Variants in FAF1 observed in about 807,000 individuals in gnomAD.
FAF1 encodes Fas associated factor 1, also known as FAS-associated factor 1.
FAF1 carries 25 observed loss-of-function variants against 92.5 expected under a neutral mutation model. The ratio of observed to expected loss-of-function variants is 0.27; its 90% CI spans 0.20 to 0.38. FAF1 has a LOEUF of 0.38. Ranked by LOEUF, FAF1 falls within the 10% of genes least tolerant of loss-of-function variation. The probability of loss-of-function intolerance (pLI) is 1.00; values close to 1 mark genes in which losing one functional copy is unlikely to be tolerated. For missense variants in FAF1, 636 were observed against 793.3 expected, an observed-to-expected ratio of 0.80 and a Z score of 2.38; for synonymous variants, 234 against 273.2, an observed-to-expected ratio of 0.86 and a Z score of 1.42.
chr1:50,474,537 CAG>C (rs1646615275), intron 18 of FAF1, among the ~76,000 whole-genome samples: 1 of 152,010 alleles, frequency 6.6e-6, no homozygotes, highest in Admixed American at 6.6e-5. Flanking sequence ...TATCTTAGTG[CAG>C]AGTTAAACAG....
chr1:50,825,548 AT>A (rs562479414), intron 2 of FAF1, among the ~76,000 whole-genome samples: 6 of 152,222 alleles, frequency 3.9e-5, no homozygotes, highest in African/African-American at 1.4e-4. Context: ...AATTAAAAAA[AT>A]AAATAGAAAA....
chr1:50,670,647 G>A lies in FAF1; in HGVS notation c.658-15119C>T, dbSNP rs1431787030. On this transcript the variant is annotated intron_variant, in intron 7 of 18. Coordinates refer to ENST00000396153, the MANE Select transcript of FAF1 (RefSeq NM_007051.3). ...TGTTATTTTAAAGTAGTCTGAGGCA[G>A]GGTGCCTGGATTCTCAGGTTCATGC... Among the ~76,000 whole-genome samples, 3 of 152,108 alleles carry A rather than the reference G, an allele frequency of 2.0e-5. No homozygotes were observed. The South Asian group carries it at 6.3e-4, about 32-fold the overall frequency.
At chr1:50,880,478 C>T (rs954908127) in intron 1 of FAF1, among the ~76,000 whole-genome samples, 5 of 152,138 alleles carry the variant, frequency 3.3e-5, no homozygotes, top group East Asian at 1.9e-4. Context: ...GTCACAAGGA[C>T]GGGGCACTGA....
At chr1:50,645,445 T>A (rs1654535569) in intron 8 of FAF1, among the ~76,000 whole-genome samples, 1 of 152,252 alleles carries the variant, frequency 6.6e-6, no homozygotes, top group Non-Finnish European at 1.5e-5. Context: ...CAGTAGATAT[T>A]TCAGGTTTTG....
chr1:50,850,937 C>G (rs954422475), intron 2 of FAF1, among the ~76,000 whole-genome samples: 1 of 152,144 alleles, frequency 6.6e-6, no homozygotes, highest in African/African-American at 2.4e-5. Context: ...TGCTAAACCA[C>G]TGACTTTGCT....
At chr1:50,678,174 C>T (rs1656223345) in intron 7 of FAF1, among the ~76,000 whole-genome samples, 1 of 152,132 alleles carries the variant, frequency 6.6e-6, no homozygotes, top group Non-Finnish European at 1.5e-5. Flanking sequence ...AGTACAGTTG[C>T]CTGGTTACCC....
At chr1:50,592,401 T>A (rs1177761751) in intron 9 of FAF1, among the ~76,000 whole-genome samples, 1 of 152,038 alleles carries the variant, frequency 6.6e-6, no homozygotes, top group Non-Finnish European at 1.5e-5. Context: ...GGATAAATTG[T>A]TACCTAGCTA....
rs534018315 is a variant in FAF1, at chr1:50,690,234, C to T, written c.657+15552G>A. 2.6e-5 allele frequency among the ~76,000 whole-genome samples: 4 copies of T among 152,154 alleles called. No homozygotes were observed. In the South Asian group the frequency reaches 8.3e-4, roughly 32 times the overall value. On this transcript the variant is annotated intron_variant, in intron 7 of 18. Coordinates refer to ENST00000396153, the MANE Select transcript of FAF1 (RefSeq NM_007051.3). ...CTCCTGACCTCAGGTGATCCACCCA[C>T]CTCAGCCTCCCAAAGTGCTGGGATT...
intron 13 of FAF1, among the ~76,000 whole-genome samples, chr1:50,555,757 A>G (rs61781018): frequency 0.043 from 6,507 of 152,190 alleles, 210 homozygotes; most frequent in Non-Finnish European, 0.061. Context: ...CAATCCCACT[A>G]CTGAGTACCC....
chr1:50,615,152 C>T (rs778600570), intron 8 of FAF1, among the ~76,000 whole-genome samples: 14 of 152,290 alleles, frequency 9.2e-5, no homozygotes, highest in Non-Finnish European at 7.4e-5. Flanking sequence ...GTTGTCTGTT[C>T]GTGCATTACT....
chr1:50,788,245 A>G, intron 3 of FAF1, 40 bp from the exon 4 acceptor site: 2 of 1,535,936 alleles, frequency 1.3e-6, no homozygotes, highest in Non-Finnish European at 1.8e-6. Context: ...TGTCAACTAA[A>G]TCATTACAGA....
Position 50,510,098 on chromosome 1 carries a change from G to A in FAF1, c.1495-18297C>T, listed in dbSNP as rs374852258. On this transcript the variant is annotated intron_variant, in intron 15 of 18. Coordinates refer to ENST00000396153, the MANE Select transcript of FAF1 (RefSeq NM_007051.3). ...GCAGAATTGCTTGAACCTGGGAGGC[G>A]GGGGTTGCAGTGAGCCGAGATGGCA... 2.2e-4 allele frequency among the ~76,000 whole-genome samples: 33 copies of A among 151,414 alleles called. No individual in the cohort carries two copies. In the South Asian group the frequency reaches 4.6e-3, roughly 21 times the overall value.
chr1:50,529,812 T>C (rs1388982277), intron 15 of FAF1, among the ~76,000 whole-genome samples: 1 of 152,290 alleles, frequency 6.6e-6, no homozygotes, highest in African/African-American at 2.4e-5. Flanking sequence ...CACAGCTGTG[T>C]TCTTAGGCCC....
intron 6 of FAF1, among the ~76,000 whole-genome samples, chr1:50,715,949 A>G (rs1242780943): frequency 2.6e-5 from 4 of 152,220 alleles, no homozygotes; most frequent in Non-Finnish European, 4.4e-5. Flanking sequence ...TCAAGTATTG[A>G]TAAAATCATC....
chr1:50,466,705 A>G (rs1459114754), intron 18 of FAF1, among the ~76,000 whole-genome samples: 1 of 152,170 alleles, frequency 6.6e-6, no homozygotes, highest in Non-Finnish European at 1.5e-5. Context: ...AACTCAACAA[A>G]TTTTATGTGG....
intron 2 of FAF1, among the ~76,000 whole-genome samples, chr1:50,825,848 A>G (rs900428769): frequency 2.6e-5 from 4 of 152,210 alleles, no homozygotes; most frequent in Non-Finnish European, 5.9e-5. Context: ...GTTAAGCTAG[A>G]AAACAGTACT....
At chr1:50,694,086 A>T (rs996815199) in intron 7 of FAF1, among the ~76,000 whole-genome samples, 49 of 133,710 alleles carry the variant, frequency 3.7e-4, no homozygotes, top group East Asian at 7.7e-4. Context: ...ACATATATAT[A>T]AAAAAAACTG....
At chr1:50,577,439 C>T (rs1485166479) in intron 12 of FAF1, among the ~76,000 whole-genome samples, 1 of 152,122 alleles carries the variant, frequency 6.6e-6, no homozygotes, top group East Asian at 1.9e-4. Flanking sequence ...GCAGGAGAAT[C>T]GCTTGAACTC....
At chr1:50,685,627 G>A (rs1656624008) in intron 7 of FAF1, among the ~76,000 whole-genome samples, 1 of 152,214 alleles carries the variant, frequency 6.6e-6, no homozygotes, top group Admixed American at 6.5e-5. Context: ...CAGGACCATT[G>A]TGTTGCACAG....
Sources: gnomAD v4.1 joint callset for allele counts (sites outside exome capture counted in the v4.1 genomes callset) on GRCh38, gnomAD v4.1.1 for gene constraint, MANE v1.5 for transcripts, NCBI Gene and HGNC (gene_info 2026-07-23, HGNC 2026-07-21) for gene names.